The following RAB3C variants were observed in gnomAD, a reference collection of about 807,000 sequenced individuals.
RAB3C encodes RAB3C, member RAS oncogene family.
In RAB3C, 17 loss-of-function variants were observed where a neutral mutation model predicts 26.4. The ratio of observed to expected loss-of-function variants is 0.64; its 90% confidence interval spans 0.44 to 0.97. RAB3C has a LOEUF of 0.97. Among genes scored for constraint, RAB3C ranks in the 50% least tolerant of loss-of-function variants. The probability of loss-of-function intolerance (pLI) is 0.00; values close to 1 mark genes in which losing one functional copy is unlikely to be tolerated. For missense variants in RAB3C, 242 were observed against 281.9 expected (o/e 0.86, Z 1.01); for synonymous variants, 91 against 95.9 (o/e 0.95, Z 0.30).
intron 1 of RAB3C, among the ~76,000 whole-genome samples, chr5:58,605,150 C>T (rs1165412005): frequency 6.6e-6 from 1 of 152,170 alleles, no homozygotes; most frequent in Non-Finnish European, 1.5e-5. Context: ...AGTTGGGGCA[C>T]TCACAGTATT....
At chr5:58,830,907 CTGT>C (rs1743599401) in intron 4 of RAB3C, among the ~76,000 whole-genome samples, 1 of 151,828 alleles carries the variant, frequency 6.6e-6, no homozygotes, top group Admixed American at 6.6e-5. Flanking sequence ...GGATCTTGCT[CTGT>C]TGCCCAGGCT....
rs1748164387 is a variant in RAB3C, at chr5:58,673,482, A to ACACT, written c.253-52517_253-52516insTCAC. On this transcript the variant is annotated intron_variant, in intron 2 of 4. Transcript: ENST00000282878. ...CACACACACACACACACACACACAC[A>ACACT]CACACATACAATTTTCAATCCTCAT... Among the ~76,000 whole-genome samples the ACACT allele has an allele frequency of 4.2e-5, 6 of 144,280 alleles. No homozygotes were observed. In the South Asian group the frequency reaches 1.3e-3, roughly 31 times the overall value. The allele number at this position is 144,280 out of a possible 152,430, so 94.7% of individuals were successfully genotyped here. A position where few individuals can be genotyped will look rare whatever the true frequency, so the allele number is the denominator to read the frequency against.
intron 2 of RAB3C, among the ~76,000 whole-genome samples, chr5:58,705,312 C>T (rs977657837): frequency 4.6e-5 from 7 of 152,102 alleles, no homozygotes; most frequent in African/African-American, 1.2e-4. Context: ...TTCTCACAAG[C>T]GAATTCCATT....
chr5:58,655,651 A>G (rs1165887486), intron 2 of RAB3C, among the ~76,000 whole-genome samples: 1 of 152,226 alleles, frequency 6.6e-6, no homozygotes, highest in Non-Finnish European at 1.5e-5. Flanking sequence ...TATGGTAAAT[A>G]CAATGCCATG....
rs748833915 is a variant in RAB3C at position 58,746,715 on chromosome 5, CAT to C, written c.371+20596_371+20597del. Among the ~76,000 whole-genome samples, 20 of 152,326 alleles carry C rather than the reference CAT, an allele frequency of 1.3e-4. No individual in the cohort carries two copies. The South Asian group carries it at 1.5e-3, about 11-fold the overall frequency. On this transcript the variant is annotated intron_variant, in intron 3 of 4. Coordinates refer to ENST00000282878, the MANE Select transcript of RAB3C (RefSeq NM_138453.4). ...CACATGATTTTTCTAAAATCAATCTCATGTGTATCTTTCTGAAATAGGAAACA... is the reference window on the plus strand; with the variant it reads ...CACATGATTTTTCTAAAATCAATCTCGTGTATCTTTCTGAAATAGGAAACA...
chr5:58,797,356 ATGTATATATATAATAT>A (rs1561133453), intron 3 of RAB3C, among the ~76,000 whole-genome samples: 1,201 of 33,810 alleles, frequency 0.036, 71 homozygotes, highest in African/African-American at 0.12. Flanking sequence ...AAAAAAAAAT[ATGTATATATATAATAT>A]ATATATATAT....
intron 2 of RAB3C, among the ~76,000 whole-genome samples, chr5:58,643,632 C>T (rs149828655): frequency 2.0e-5 from 3 of 152,090 alleles, no homozygotes; most frequent in African/African-American, 7.2e-5. Flanking sequence ...GCCGAGATTG[C>T]AATACTGCAC....
At chr5:58,651,750 A>G (rs565302955) in intron 2 of RAB3C, among the ~76,000 whole-genome samples, 1 of 152,318 alleles carries the variant, frequency 6.6e-6, no homozygotes, top group South Asian at 2.1e-4. Context: ...TACATTCAGT[A>G]GTAGAGTCGG....
chr5:58,761,737 T>G (rs1741800817), intron 3 of RAB3C, among the ~76,000 whole-genome samples: 1 of 152,212 alleles, frequency 6.6e-6, no homozygotes, highest in Non-Finnish European at 1.5e-5. Context: ...TTTAAGTTGT[T>G]TAATGCAGCT....
intron 3 of RAB3C, among the ~76,000 whole-genome samples, chr5:58,819,603 G>A (rs1375966416): frequency 1.3e-5 from 2 of 152,194 alleles, no homozygotes; most frequent in East Asian, 1.9e-4. Flanking sequence ...GGCTGGGCAC[G>A]GTGGCTTGCG....
At chr5:58,701,676 G>A (rs1246011919) in intron 2 of RAB3C, among the ~76,000 whole-genome samples, 6 of 152,052 alleles carry the variant, frequency 3.9e-5, no homozygotes, top group South Asian at 2.1e-4. Context: ...TGCCTTCTCC[G>A]GCATTCAGAG....
At chr5:58,598,663 A>G (rs970298144) in intron 1 of RAB3C, among the ~76,000 whole-genome samples, 1 of 152,092 alleles carries the variant, frequency 6.6e-6, no homozygotes, top group African/African-American at 2.4e-5. Flanking sequence ...ATCACAGAAC[A>G]CTTCTATCTA....
intron 3 of RAB3C, among the ~76,000 whole-genome samples, chr5:58,809,543 G>C (rs954023802): frequency 2.0e-5 from 3 of 152,118 alleles, no homozygotes; most frequent in African/African-American, 7.2e-5. Context: ...CCTCTTACTG[G>C]CCTTGAAACT....
chr5:58,610,818 C>G (rs72760245), intron 1 of RAB3C, among the ~76,000 whole-genome samples: 19,879 of 151,950 alleles, frequency 0.13, 1,675 homozygotes, highest in South Asian at 0.2. Flanking sequence ...AAATTTGTGT[C>G]ATGGAGTTTG....
At chr5:58,717,906 T>G (rs1406472217) in intron 2 of RAB3C, among the ~76,000 whole-genome samples, 1 of 152,116 alleles carries the variant, frequency 6.6e-6, no homozygotes, top group East Asian at 1.9e-4. Flanking sequence ...CATGGCTTTG[T>G]GTGCATGAAA....
chr5:58,831,459 G>T (rs1306473102), intron 4 of RAB3C, among the ~76,000 whole-genome samples: 1 of 152,170 alleles, frequency 6.6e-6, no homozygotes, highest in Admixed American at 6.5e-5. Flanking sequence ...TTAGCCAAGT[G>T]TGCTGTGATT....
At chr5:58,816,994 C>G (rs1342543040) in intron 3 of RAB3C, 3 of 152,208 alleles carry the variant, frequency 2.0e-5, no homozygotes, top group African/African-American at 7.2e-5. Flanking sequence ...CTGGGATGGG[C>G]TCTTCCCAAG....
At chr5:58,762,810 C>T (rs1741826254) in intron 3 of RAB3C, among the ~76,000 whole-genome samples, 2 of 152,150 alleles carry the variant, frequency 1.3e-5, no homozygotes. Context: ...AACTAGCCAT[C>T]TGAGGAAACT....
intron 2 of RAB3C, among the ~76,000 whole-genome samples, chr5:58,644,973 C>T (rs1408937174): frequency 6.6e-6 from 1 of 152,096 alleles, no homozygotes; most frequent in African/African-American, 2.4e-5. Flanking sequence ...GGTTAATAAC[C>T]AAACCGAGTA....
Sources: gnomAD v4.1 joint callset for allele counts (sites outside exome capture counted in the v4.1 genomes callset) on GRCh38, gnomAD v4.1.1 for gene constraint, MANE v1.5 for transcripts, NCBI Gene and HGNC (gene_info 2026-07-23, HGNC 2026-07-21) for gene names.